The following BCL2 variants were observed in gnomAD, a reference collection of about 807,000 sequenced individuals.
BCL2 encodes apoptosis regulator Bcl-2.
Under a neutral mutation model 14.2 loss-of-function variants are expected in BCL2, and 1 was observed. The observed-to-expected ratio is 0.07, with a 90% CI of 0.02 to 0.33. The LOEUF is 0.33. BCL2 is among the 10% of genes least tolerant of loss of function. The probability of loss-of-function intolerance (pLI) is 0.99; values close to 1 mark genes in which losing one functional copy is unlikely to be tolerated. For synonymous variants in BCL2, 151 were observed against 137.2 expected, an observed-to-expected ratio of 1.10 and a Z score of -0.70; for missense variants, 247 against 305.9, an observed-to-expected ratio of 0.81 and a Z score of 1.44.
intron 2 of BCL2, among the ~76,000 whole-genome samples, chr18:63,155,148 C>G (rs1333755796): frequency 6.6e-6 from 1 of 152,184 alleles, no homozygotes; most frequent in African/African-American, 2.4e-5. Context: ...ACGACACGGG[C>G]TCATGATGCC....
At chr18:63,281,960 G>GT (rs1388205647) in intron 2 of BCL2, among the ~76,000 whole-genome samples, 1 of 152,154 alleles carries the variant, frequency 6.6e-6, no homozygotes, top group East Asian at 1.9e-4. Flanking sequence ...AACAATTTCA[G>GT]TAAGTTATTT....
chr18:63,195,818 T>TA (rs1909430279), intron 2 of BCL2, among the ~76,000 whole-genome samples: 1 of 152,114 alleles, frequency 6.6e-6, no homozygotes, highest in South Asian at 2.1e-4. Context: ...AAGCCTGCTT[T>TA]AAAAAAAATC....
chr18:63,204,523 C>G (rs1478298785), intron 2 of BCL2, among the ~76,000 whole-genome samples: 1 of 152,196 alleles, frequency 6.6e-6, no homozygotes, highest in African/African-American at 2.4e-5. Flanking sequence ...CTTAGACCAT[C>G]TAGCCCCAAA....
At chr18:63,195,208 T>G (rs920613821) in intron 2 of BCL2, among the ~76,000 whole-genome samples, 10 of 152,176 alleles carry the variant, frequency 6.6e-5, no homozygotes, top group African/African-American at 2.4e-4. Context: ...TAGCTTTGGG[T>G]AAGTCATTGA....
Position 63,283,397 on chromosome 18 carries a change from A to G in BCL2, c.585+34685T>C, listed in dbSNP as rs559521665. 1.1e-3 allele frequency among the ~76,000 whole-genome samples: 165 copies of G among 152,308 alleles called. 2 individuals carry two copies. Among genetic ancestry groups the G allele is most frequent in the East Asian group, 7.7e-4 (4 of 5,186 alleles). On this transcript the variant is annotated intron_variant, in intron 2 of 2. Coordinates refer to ENST00000333681, the MANE Select transcript of BCL2 (RefSeq NM_000633.3). ...GGGTTTTTAATCTTCCTTGACAAAA[A>G]TACTTAACCTTCTCCAGCCTGGGAG...
intron 2 of BCL2, among the ~76,000 whole-genome samples, chr18:63,241,704 A>G (rs1459582241): frequency 6.6e-6 from 1 of 152,228 alleles, no homozygotes; most frequent in East Asian, 1.9e-4. Flanking sequence ...TAGAAAGAGC[A>G]CAATAGAATC....
chr18:63,181,495 C>A (rs1038086687), intron 2 of BCL2, among the ~76,000 whole-genome samples: 3 of 152,190 alleles, frequency 2.0e-5, no homozygotes, highest in Admixed American at 1.3e-4. Flanking sequence ...AATGCAGATG[C>A]CTGGACCCGT....
chr18:63,244,830 A>T (rs1173679495), intron 2 of BCL2, among the ~76,000 whole-genome samples: 1 of 152,202 alleles, frequency 6.6e-6, no homozygotes, highest in East Asian at 1.9e-4. Context: ...TTTAAGCGTT[A>T]CAAGATTGGT....
chr18:63,277,926 C>G (rs1335333950), intron 2 of BCL2, among the ~76,000 whole-genome samples: 1 of 152,204 alleles, frequency 6.6e-6, no homozygotes, highest in African/African-American at 2.4e-5. Flanking sequence ...CCTCCCAACT[C>G]ACTGTACAGA....
intron 2 of BCL2, among the ~76,000 whole-genome samples, chr18:63,194,124 T>C (rs1462608115): frequency 6.6e-6 from 1 of 152,154 alleles, no homozygotes; most frequent in Non-Finnish European, 1.5e-5. Flanking sequence ...CAATCCCATA[T>C]AAACCACAAA....
chr18:63,158,527 C>A (rs1258714698), intron 2 of BCL2, among the ~76,000 whole-genome samples: 1 of 152,006 alleles, frequency 6.6e-6, no homozygotes, highest in Non-Finnish European at 1.5e-5. Flanking sequence ...TTCCTGGGGC[C>A]CCTTCCTCCA....
chr18:63,190,251 A>G (rs567445953), intron 2 of BCL2, among the ~76,000 whole-genome samples: 37 of 152,336 alleles, frequency 2.4e-4, no homozygotes, highest in African/African-American at 8.4e-4. Context: ...CCAAATTAAC[A>G]ATTACCACCC....
chr18:63,284,709 G>A (rs150161923), intron 2 of BCL2, among the ~76,000 whole-genome samples: 4 of 152,308 alleles, frequency 2.6e-5, no homozygotes, highest in East Asian at 3.9e-4. Flanking sequence ...AGAGAACACC[G>A]CCAGGCTAGT....
chr18:63,292,479 A>G (rs1302075609), intron 2 of BCL2, among the ~76,000 whole-genome samples: 1 of 152,192 alleles, frequency 6.6e-6, no homozygotes, highest in African/African-American at 2.4e-5. Flanking sequence ...TTGTGGTTCC[A>G]GACTTTATAC....
At chr18:63,211,089 G>C (rs1487004613) in intron 2 of BCL2, among the ~76,000 whole-genome samples, 2 of 30,336 alleles carry the variant, frequency 6.6e-5, no homozygotes, top group African/African-American at 3.1e-4. Flanking sequence ...TTTTTTTTTT[G>C]AGACAGAGTC....
intron 2 of BCL2, among the ~76,000 whole-genome samples, chr18:63,197,972 T>C (rs190962299): frequency 7.9e-5 from 12 of 152,356 alleles, no homozygotes; most frequent in Non-Finnish European, 1.5e-4. Context: ...TGTTTCTTAA[T>C]ATTGTATCAT....
chr18:63,237,983 T>C (rs1910889840), intron 2 of BCL2, among the ~76,000 whole-genome samples: 1 of 151,198 alleles, frequency 6.6e-6, no homozygotes, highest in South Asian at 2.1e-4. Context: ...AAACCCCAAA[T>C]GGCCAAGATC....
At chr18:63,275,711 G>C (rs1305627531) in intron 2 of BCL2, among the ~76,000 whole-genome samples, 3 of 152,208 alleles carry the variant, frequency 2.0e-5, no homozygotes, top group Admixed American at 2.0e-4. Flanking sequence ...GCCAGGCATG[G>C]GGGATTCCAG....
At chr18:63,167,863 T>C (rs1270782384) in intron 2 of BCL2, among the ~76,000 whole-genome samples, 1 of 151,126 alleles carries the variant, frequency 6.6e-6, no homozygotes, top group Admixed American at 6.6e-5. Context: ...GAGGCAGAGG[T>C]TGCAGTGAGC....
Sources: gnomAD v4.1 joint callset for allele counts (sites outside exome capture counted in the v4.1 genomes callset) on GRCh38, gnomAD v4.1.1 for gene constraint, MANE v1.5 for transcripts, NCBI Gene and HGNC (gene_info 2026-07-23, HGNC 2026-07-21) for gene names.